Variants in DCDC1 observed in about 807,000 individuals in gnomAD.
DCDC1 encodes doublecortin domain-containing protein 1.
A neutral mutation model predicts 178.3 loss-of-function variants in DCDC1; 200 were observed. The observed-to-expected ratio is 1.12, with a 90% CI of 1.00 to 1.26. DCDC1 has a LOEUF of 1.26. Ranked by LOEUF, DCDC1 falls within the 50% of genes most tolerant of loss-of-function variation. The pLI, the probability that DCDC1 is intolerant of heterozygous loss-of-function variation, is 0.00. For synonymous variants in DCDC1, 690 were observed against 604.8 expected (o/e 1.14, Z -2.07); for missense variants, 1,983 against 1,749.2 (o/e 1.13, Z -2.38).
intron 20 of DCDC1, among the ~76,000 whole-genome samples, chr11:31,041,845 T>C (rs1022394679): frequency 6.6e-6 from 1 of 152,172 alleles, no homozygotes; most frequent in African/African-American, 2.4e-5. Flanking sequence ...ATCATTATGG[T>C]CTAAAAGATA....
chr11:31,366,825 A>C (rs1951983936), intron 1 of DCDC1, among the ~76,000 whole-genome samples: 1 of 152,196 alleles, frequency 6.6e-6, no homozygotes, highest in Non-Finnish European at 1.5e-5. Context: ...TATAACAGGG[A>C]AGAAATGTTA....
At chr11:30,936,490 C>T (rs1565097339) in intron 21 of DCDC1, among the ~76,000 whole-genome samples, 3 of 152,184 alleles carry the variant, frequency 2.0e-5, no homozygotes, top group South Asian at 4.1e-4. Context: ...TTTCCCTTAA[C>T]ACCCTTGAGG....
At chr11:31,059,600 C>G (rs1285583159) in intron 20 of DCDC1, among the ~76,000 whole-genome samples, 1 of 151,826 alleles carries the variant, frequency 6.6e-6, no homozygotes, top group East Asian at 1.9e-4. Context: ...TAACATTTAC[C>G]TTTATTGGTA....
chr11:31,267,471 C>T (rs968359591), intron 7 of DCDC1, among the ~76,000 whole-genome samples: 13 of 152,328 alleles, frequency 8.5e-5, no homozygotes, highest in African/African-American at 2.2e-4. Flanking sequence ...GGATTAGAGG[C>T]GTGAGCCATC....
intron 38 of DCDC1, among the ~76,000 whole-genome samples, chr11:30,877,195 C>T (rs546565666): frequency 5.5e-4 from 84 of 152,220 alleles, no homozygotes; most frequent in Middle Eastern, 3.4e-3. Flanking sequence ...CCTTTTGCAG[C>T]GATTACCAAG....
At chr11:31,122,127 T>C (rs1591122616) in intron 11 of DCDC1, among the ~76,000 whole-genome samples, 1 of 152,010 alleles carries the variant, frequency 6.6e-6, no homozygotes, top group East Asian at 1.9e-4. Flanking sequence ...AGGTAACTGA[T>C]ATGAGTTGAT....
intron 9 of DCDC1, among the ~76,000 whole-genome samples, chr11:31,145,159 A>C (rs1328896181): frequency 6.6e-6 from 1 of 152,208 alleles, no homozygotes; most frequent in African/African-American, 2.4e-5. Flanking sequence ...CTTGATGCTC[A>C]ATGTATTGTG....
rs189456679 is a variant in DCDC1, at chr11:31,039,018, T to C, written c.2591+25451A>G. ...GTTTTAATTTCATCATTTGATGAAG[T>C]AACTTTCAAATGTTGATATCTAATC... On this transcript the variant is annotated intron_variant, in intron 20 of 38. Transcript: ENST00000684477. Among the ~76,000 whole-genome samples, 321 of 152,316 alleles carry C rather than the reference T, an allele frequency of 2.1e-3. 3 individuals carry two copies. Among genetic ancestry groups the C allele is most frequent in the South Asian group, 1.2e-3 (6 of 4,828 alleles).
intron 20 of DCDC1, among the ~76,000 whole-genome samples, chr11:31,001,761 T>G (rs1951594444): frequency 6.6e-6 from 1 of 152,222 alleles, no homozygotes; most frequent in Non-Finnish European, 1.5e-5. Flanking sequence ...ACACTTTCTG[T>G]TTCCTATCTT....
chr11:31,213,416 G>A (rs886439222), intron 9 of DCDC1, among the ~76,000 whole-genome samples: 9 of 151,750 alleles, frequency 5.9e-5, no homozygotes, highest in Admixed American at 3.3e-4. Flanking sequence ...CTTAACACAG[G>A]CATTAAAAGT....
chr11:31,095,645 G>C (rs761802276), intron 15 of DCDC1, among the ~76,000 whole-genome samples: 10 of 152,060 alleles, frequency 6.6e-5, no homozygotes, highest in Non-Finnish European at 1.3e-4. Flanking sequence ...GGGATGGATA[G>C]GGGGTACTGA....
intron 21 of DCDC1, among the ~76,000 whole-genome samples, chr11:30,942,636 G>C (rs80352880): frequency 0.04 from 6,090 of 152,212 alleles, 390 homozygotes; most frequent in African/African-American, 0.14. Context: ...CATATCTGAA[G>C]TGTGCTGTCT....
intron 23 of DCDC1, among the ~76,000 whole-genome samples, chr11:30,924,943 C>T (rs1946500130): frequency 6.6e-6 from 1 of 152,002 alleles, no homozygotes; most frequent in Admixed American, 6.6e-5. Flanking sequence ...CATAGTGGCA[C>T]ATGCCTATAA....
chr11:31,293,020 A>G (rs1211676478), intron 6 of DCDC1, among the ~76,000 whole-genome samples: 1 of 152,180 alleles, frequency 6.6e-6, no homozygotes, highest in Non-Finnish European at 1.5e-5. Flanking sequence ...CACTAGATGC[A>G]CTATACCTCC....
At chr11:31,157,125 T>A (rs1347904614) in intron 9 of DCDC1, among the ~76,000 whole-genome samples, 1 of 151,804 alleles carries the variant, frequency 6.6e-6, no homozygotes, top group East Asian at 1.9e-4. Flanking sequence ...ACATCTCTAA[T>A]CCTGGCACTT....
chr11:30,941,613 A>G (rs894363105), intron 21 of DCDC1, among the ~76,000 whole-genome samples: 4 of 152,210 alleles, frequency 2.6e-5, no homozygotes, highest in African/African-American at 9.6e-5. Flanking sequence ...TCTAAATTTT[A>G]AAAATTTTGG....
chr11:31,297,031 T>G (rs1354343618), intron 6 of DCDC1, among the ~76,000 whole-genome samples: 1 of 152,158 alleles, frequency 6.6e-6, no homozygotes, highest in Non-Finnish European at 1.5e-5. Context: ...ACATCACCCC[T>G]CTGAGGACAT....
intron 8 of DCDC1, among the ~76,000 whole-genome samples, chr11:31,263,800 G>A (rs75788080): frequency 8.4e-4 from 128 of 152,202 alleles, no homozygotes; most frequent in African/African-American, 2.8e-3. Context: ...TTCAGTTGTC[G>A]GAATCACTAC....
intron 6 of DCDC1, among the ~76,000 whole-genome samples, chr11:31,293,420 G>A (rs1947375361): frequency 6.6e-6 from 1 of 152,126 alleles, no homozygotes; most frequent in African/African-American, 2.4e-5. Context: ...AAGATTTAGA[G>A]AATCTTACCA....
Sources: gnomAD v4.1 joint callset for allele counts (sites outside exome capture counted in the v4.1 genomes callset) on GRCh38, gnomAD v4.1.1 for gene constraint, MANE v1.5 for transcripts, NCBI Gene and HGNC (gene_info 2026-07-23, HGNC 2026-07-21) for gene names.